Variants in BMP5 observed in about 807,000 individuals in gnomAD.
BMP5 encodes bone morphogenetic protein 5.
In BMP5, 23 loss-of-function variants were observed where a neutral mutation model predicts 46.6. The observed-to-expected ratio is 0.49, with a 90% confidence interval of 0.35 to 0.70. The LOEUF (loss-of-function observed/expected upper bound fraction) is 0.70, where lower values mean the gene tolerates loss of function less well. Ranked by LOEUF, BMP5 falls within the 30% of genes least tolerant of loss-of-function variation. The pLI is 0.00. For missense variants in BMP5, 545 were observed against 565.6 expected, an observed-to-expected ratio of 0.96 and a Z score of 0.37; for synonymous variants, 204 against 191.9, an observed-to-expected ratio of 1.06 and a Z score of -0.52.
chr6:55,875,058 G>T lies in BMP5; in HGVS notation c.-193C>A, dbSNP rs896228168. On this transcript the variant is annotated 5_prime_UTR_variant, in exon 1 of 7. Coordinates refer to ENST00000370830, the MANE Select transcript of BMP5 (RefSeq NM_021073.4). Reference sequence around the variant, plus strand: ...TCCTATTTTAAATATTTTGGAATATGTCAAGAGTAGTTATTTCTAAGAAAG... The same window carrying T: ...TCCTATTTTAAATATTTTGGAATATTTCAAGAGTAGTTATTTCTAAGAAAG... The T allele has an allele frequency of 6.7e-6, 4 of 600,012 alleles. No homozygotes were observed. The East Asian group carries it at 1.2e-4, about 18-fold the overall frequency. The allele number at this position is 600,012 out of a possible 1,614,324, so 37.2% of individuals were successfully genotyped here.
chr6:55,801,442 G>A (rs1395468762), intron 2 of BMP5, among the ~76,000 whole-genome samples: 1 of 152,196 alleles, frequency 6.6e-6, no homozygotes, highest in Non-Finnish European at 1.5e-5. Flanking sequence ...TTGGAGACTT[G>A]GAGGTAGGTT....
At chr6:55,806,556 CT>C (rs1388352038) in intron 2 of BMP5, among the ~76,000 whole-genome samples, 1 of 152,018 alleles carries the variant, frequency 6.6e-6, no homozygotes, top group African/African-American at 2.4e-5. Flanking sequence ...CTACAGACTC[CT>C]TTTTGATTCC....
At chr6:55,837,404 G>GCAGA (rs1248403812) in intron 1 of BMP5, among the ~76,000 whole-genome samples, 1 of 147,108 alleles carries the variant, frequency 6.8e-6, no homozygotes, top group Non-Finnish European at 1.5e-5. Flanking sequence ...AGATAGGCAG[G>GCAGA]CAGACAGACA....
At chr6:55,799,809 T>C (rs1436775274) in intron 2 of BMP5, among the ~76,000 whole-genome samples, 1 of 152,114 alleles carries the variant, frequency 6.6e-6, no homozygotes, top group East Asian at 1.9e-4. Context: ...TGTTCCTAAG[T>C]CCCTATTAAA....
chr6:55,841,233 T>A (rs1464931543), intron 1 of BMP5, among the ~76,000 whole-genome samples: 1 of 152,194 alleles, frequency 6.6e-6, no homozygotes, highest in Non-Finnish European at 1.5e-5. Flanking sequence ...GGCTGCTGTT[T>A]TAGATCATTA....
chr6:55,840,387 A>G (rs1327872221), intron 1 of BMP5, among the ~76,000 whole-genome samples: 1 of 152,128 alleles, frequency 6.6e-6, no homozygotes, highest in Non-Finnish European at 1.5e-5. Context: ...AAGACCTCCA[A>G]TTCAATGTTG....
Position 55,760,477 on chromosome 6 carries a change from A to G in BMP5, c.1084T>C (p.Phe362Leu), listed in dbSNP as rs1774744597. The stretch of plus-strand genomic sequence containing the variant: ...CCTACCTGCCATCCCAGATCCCGGA[A>G]GCTCACATAGAGTTCGTGCTTCTTA... ...ACKKHELYVS[F>L]RDLGWQDWII... The change falls in exon 5 of 7, where the codon TTC (phenylalanine) becomes CTC (leucine). Residue 362 changes from phenylalanine (F) to leucine (L), a missense_variant. Phe to Leu is a conservative substitution (Grantham distance 22). Transcript: ENST00000370830. 1.9e-6 allele frequency: 3 copies of G among 1,613,074 alleles called. No individual in the cohort carries two copies.
In BMP5 at chr6:55,775,172, C is replaced by A. The variant is rs114843055; in HGVS notation, c.833-929G>T. ...TAGGAGTGAGTTAAAAGTCAAGGTG[C>A]CCTAGAGATAAAGTTGATAAAGTAC... On this transcript the variant is annotated intron_variant, in intron 3 of 6. Coordinates refer to ENST00000370830, the MANE Select transcript of BMP5 (RefSeq NM_021073.4). Among the ~76,000 whole-genome samples the A allele has an allele frequency of 6.5e-3, 988 of 151,936 alleles. 7 individuals carry two copies. Among genetic ancestry groups the A allele is most frequent in the African/African-American group, 0.023 (938 of 41,498 alleles).
chr6:55,806,333 C>T (rs555220506), intron 2 of BMP5, among the ~76,000 whole-genome samples: 1 of 152,290 alleles, frequency 6.6e-6, no homozygotes, highest in South Asian at 2.1e-4. Context: ...GGAATCCTTT[C>T]CCCATTGCTT....
intron 1 of BMP5, among the ~76,000 whole-genome samples, chr6:55,837,111 G>A (rs1750399038): frequency 6.6e-6 from 1 of 151,520 alleles, no homozygotes; most frequent in African/African-American, 2.4e-5. Context: ...GAGTGCAGTG[G>A]CGCGATCACT....
At chr6:55,788,823 G>A (rs1291001840) in intron 3 of BMP5, among the ~76,000 whole-genome samples, 1 of 151,672 alleles carries the variant, frequency 6.6e-6, no homozygotes, top group Non-Finnish European at 1.5e-5. Context: ...GTAGCTATCT[G>A]TTCATTTATC....
chr6:55,801,269 TAGAC>T (rs1393330687), intron 2 of BMP5, among the ~76,000 whole-genome samples: 1 of 152,218 alleles, frequency 6.6e-6, no homozygotes, highest in African/African-American at 2.4e-5. Flanking sequence ...TATTGCAACT[TAGAC>T]ATATTGTGGA....
intron 2 of BMP5, among the ~76,000 whole-genome samples, chr6:55,805,367 A>C (rs1325844733): frequency 1.3e-5 from 2 of 152,000 alleles, no homozygotes; most frequent in African/African-American, 4.8e-5. Flanking sequence ...GCCCCACATG[A>C]TTAGCTATTT....
intron 3 of BMP5, among the ~76,000 whole-genome samples, chr6:55,790,279 C>A (rs1385264030): frequency 6.6e-6 from 1 of 152,070 alleles, no homozygotes; most frequent in East Asian, 1.9e-4. Context: ...ACTACAAGAC[C>A]TTTTTAATTA....
intron 4 of BMP5, among the ~76,000 whole-genome samples, chr6:55,771,358 C>A (rs1037073024): frequency 1.3e-5 from 2 of 151,832 alleles, no homozygotes; most frequent in African/African-American, 4.8e-5. Context: ...TGCACTGCCT[C>A]AACATGAAAC....
At chr6:55,767,438 C>T in intron 4 of BMP5, among the ~76,000 whole-genome samples, 1 of 151,954 alleles carries the variant, frequency 6.6e-6, no homozygotes, top group East Asian at 1.9e-4. Context: ...TCCTGCTCTG[C>T]AAGGCAGGTA....
chr6:55,769,335 A>G (rs1461383327), intron 4 of BMP5, among the ~76,000 whole-genome samples: 1 of 151,912 alleles, frequency 6.6e-6, no homozygotes, highest in Non-Finnish European at 1.5e-5. Context: ...TTGTCATTAC[A>G]ATTGCATTCA....
At chr6:55,862,167 G>A (rs1299098948) in intron 1 of BMP5, among the ~76,000 whole-genome samples, 1 of 152,120 alleles carries the variant, frequency 6.6e-6, no homozygotes, top group Admixed American at 6.6e-5. Context: ...TGAATTGATA[G>A]GTGAACGCTA....
chr6:55,810,515 T>A (rs1776103535), intron 2 of BMP5, among the ~76,000 whole-genome samples: 1 of 152,016 alleles, frequency 6.6e-6, no homozygotes, highest in African/African-American at 2.4e-5. Context: ...ACCCAGGAGG[T>A]CCCCTCATTC....
Sources: gnomAD v4.1 joint callset for allele counts (sites outside exome capture counted in the v4.1 genomes callset) on GRCh38, gnomAD v4.1.1 for gene constraint, MANE v1.5 for transcripts, NCBI Gene and HGNC (gene_info 2026-07-23, HGNC 2026-07-21) for gene names.